Variants in PTPRC observed in about 807,000 individuals in gnomAD.
The protein encoded by PTPRC is receptor-type tyrosine-protein phosphatase C.
In PTPRC, 44 loss-of-function variants were observed where a neutral mutation model predicts 155.9. The observed-to-expected ratio is 0.28, with a 90% confidence interval of 0.22 to 0.36. PTPRC has a LOEUF of 0.36. Ranked by LOEUF, PTPRC falls within the 10% of genes least tolerant of loss-of-function variation. The probability of loss-of-function intolerance (pLI) is 1.00; values close to 1 mark genes in which losing one functional copy is unlikely to be tolerated. For synonymous variants in PTPRC, 525 were observed against 533.1 expected, an observed-to-expected ratio of 0.98 and a Z score of 0.21; for missense variants, 1,401 against 1,564.6, an observed-to-expected ratio of 0.90 and a Z score of 1.76.
Position 198,734,364 on chromosome 1 carries a change from T to C in PTPRC, c.2216T>C (p.Met739Thr). ...GAAACTGTTGATGATTTCTGGAGGA[T>C]GATTTGGGAACAGAAAGCCACAGTT... Reference protein sequence around the residue: ...RDETVDDFWRMIWEQKATVIV... With the variant: ...RDETVDDFWRTIWEQKATVIV... The change falls in exon 22 of 33, where the codon ATG becomes ACG. Residue 739 changes from methionine to threonine, a missense_variant. Met to Thr is a moderately conservative substitution (Grantham distance 81). This residue lies in a region of PTPRC where 867 missense variants were observed against 970.4 expected (regional missense o/e 0.89). Coordinates refer to ENST00000442510, the MANE Select transcript of PTPRC (RefSeq NM_002838.5). 1 of 1,611,218 alleles carries C rather than the reference T, an allele frequency of 6.2e-7. No homozygotes were observed. Among genetic ancestry groups the C allele is most frequent in the Non-Finnish European group, 8.5e-7 (1 of 1,177,944 alleles).
chr1:198,752,656 T>C lies in PTPRC; in HGVS notation c.3393T>C (p.Pro1131=). 6.2e-7 allele frequency: 1 copy of C among 1,612,886 alleles called. No individual in the cohort carries two copies. Among genetic ancestry groups the C allele is most frequent in the East Asian group, 2.2e-5 (1 of 44,720 alleles). The part of the protein sequence containing the change: ...QYTNWSVEQL[P]AEPKELISMI... ...CAAACTGGAGTGTGGAGCAGCTTCC[T>C]GCAGAACCCAAGGAATTAATCTCTA... The change falls in exon 31 of 33, where the codon CCT becomes CCC. Residue 1131 remains proline (P), a synonymous_variant. Coordinates refer to ENST00000442510, the MANE Select transcript of PTPRC (RefSeq NM_002838.5).
At chr1:198,661,824 T>C (rs1008426364) in intron 2 of PTPRC, among the ~76,000 whole-genome samples, 1 of 152,218 alleles carries the variant, frequency 6.6e-6, no homozygotes, top group South Asian at 2.1e-4. Context: ...TCATCTATAC[T>C]ATTATTTTTT....
intron 22 of PTPRC, 57 bp from the exon 23 acceptor site, chr1:198,735,070 G>A: frequency 7.0e-7 from 1 of 1,430,944 alleles, no homozygotes; most frequent in East Asian, 2.5e-5. Context: ...AAGAAAGTTT[G>A]ATAAAAAATT....
At chr1:198,687,502 G>A (rs951321726) in intron 2 of PTPRC, among the ~76,000 whole-genome samples, 1 of 151,876 alleles carries the variant, frequency 6.6e-6, no homozygotes, top group Admixed American at 6.6e-5. Flanking sequence ...AAATAGTTAA[G>A]TACCTTCACC....
Position 198,756,365 on chromosome 1 carries a change from C to G in PTPRC, c.*184C>G. 3 of 760,900 alleles carry G rather than the reference C, an allele frequency of 3.9e-6. No homozygotes were observed. Among genetic ancestry groups the G allele is most frequent in the Non-Finnish European group, 6.2e-6 (3 of 485,798 alleles). 47.1% of individuals were successfully genotyped at this position (760,900 alleles called of 1,614,324 possible). A position where few individuals can be genotyped will look rare whatever the true frequency, so the allele number is the denominator to read the frequency against. On this transcript the variant is annotated 3_prime_UTR_variant, in exon 33 of 33. Transcript: ENST00000442510. ...GATAGTTTTGCCAGAACAGTTTGTACAGACGTATGCTTATTTTAAAATTTT... is the reference window on the plus strand; with the variant it reads ...GATAGTTTTGCCAGAACAGTTTGTAGAGACGTATGCTTATTTTAAAATTTT...
intron 8 of PTPRC, among the ~76,000 whole-genome samples, chr1:198,705,441 T>A (rs1203088376): frequency 1.3e-5 from 2 of 150,970 alleles, no homozygotes; most frequent in African/African-American, 4.9e-5. Context: ...TCTTTTTTTT[T>A]TTTTTTTCTC....
intron 27 of PTPRC, 114 bp downstream of exon 27, chr1:198,748,313 G>A (rs964064758): frequency 7.2e-7 from 1 of 1,393,484 alleles, no homozygotes; most frequent in Non-Finnish European, 9.6e-7. Flanking sequence ...TTCAACATTT[G>A]GTTGTTAATA....
At chr1:198,643,683 A>G (rs559500182) in intron 2 of PTPRC, among the ~76,000 whole-genome samples, 1 of 152,014 alleles carries the variant, frequency 6.6e-6, no homozygotes, top group South Asian at 2.1e-4. Flanking sequence ...CTCTTTGGAC[A>G]TTCTAGGTAA....
At chr1:198,650,800 T>C (rs1448100157) in intron 2 of PTPRC, among the ~76,000 whole-genome samples, 1 of 151,770 alleles carries the variant, frequency 6.6e-6, no homozygotes, top group Non-Finnish European at 1.5e-5. Context: ...ACTTCATATT[T>C]GGAAGAGACA....
intron 27 of PTPRC, among the ~76,000 whole-genome samples, chr1:198,748,844 C>G (rs1291087073): frequency 6.6e-6 from 1 of 151,486 alleles, no homozygotes; most frequent in Non-Finnish European, 1.5e-5. Context: ...CATGGTTGAC[C>G]TAGTTAATTT....
chr1:198,696,949 G>A (rs771941835), intron 4 of PTPRC, 40 bp downstream of exon 4: 2 of 1,529,920 alleles, frequency 1.3e-6, no homozygotes, highest in Admixed American at 1.7e-5. Context: ...ATCAGGGAAT[G>A]TCATTTAGAA....
intron 25 of PTPRC, among the ~76,000 whole-genome samples, chr1:198,743,204 G>T (rs533737496): frequency 1.2e-3 from 183 of 151,714 alleles, no homozygotes; most frequent in African/African-American, 4.3e-3. Context: ...TGTTGTGGTA[G>T]AAAGCAATGA....
At position 198,756,343 on chromosome 1, in the gene PTPRC, A is replaced by AGTT; in HGVS notation, c.*163_*165dup. The AGTT allele has an allele frequency of 1.0e-6, 1 of 970,210 alleles. No homozygotes were observed. The highest frequency in any genetic ancestry group is 1.5e-6 in the Non-Finnish European group (1 of 663,476). 60.1% of individuals were successfully genotyped at this position (970,210 alleles called of 1,614,324 possible). On this transcript the variant is annotated 3_prime_UTR_variant, in exon 33 of 33. Coordinates refer to ENST00000442510, the MANE Select transcript of PTPRC (RefSeq NM_002838.5). ...ACTACTGTGGAAAAATATTTAAGAT[A>AGTT]GTTTTGCCAGAACAGTTTGTACAGA...
chr1:198,680,613 C>T (rs1233944070), intron 2 of PTPRC, among the ~76,000 whole-genome samples: 2 of 151,694 alleles, frequency 1.3e-5, no homozygotes, highest in African/African-American at 2.4e-5. Context: ...GTGCATTTTA[C>T]AAGCAGATCA....
chr1:198,740,993 T>C (rs1654875215), intron 23 of PTPRC, among the ~76,000 whole-genome samples: 1 of 151,890 alleles, frequency 6.6e-6, no homozygotes, highest in Non-Finnish European at 1.5e-5. Flanking sequence ...TTCCATGGTA[T>C]TACTAATTGT....
intron 14 of PTPRC, among the ~76,000 whole-genome samples, chr1:198,721,355 A>AT (rs553662298): frequency 9.3e-5 from 14 of 151,284 alleles, no homozygotes; most frequent in Middle Eastern, 3.4e-3. Context: ...CTTCCTTGTA[A>AT]TTTTTTTTCA....
intron 28 of PTPRC, among the ~76,000 whole-genome samples, chr1:198,750,118 TAAG>T (rs1484248198): frequency 1.1e-4 from 17 of 151,916 alleles, no homozygotes; most frequent in Non-Finnish European, 1.6e-4. Flanking sequence ...GGAAATATAA[TAAG>T]AATGTAAAGA....
intron 2 of PTPRC, among the ~76,000 whole-genome samples, chr1:198,669,428 C>G (rs1664517878): frequency 6.6e-6 from 1 of 152,082 alleles, no homozygotes; most frequent in Admixed American, 6.6e-5. Flanking sequence ...ACCATACTAC[C>G]TAATCTGCTA....
At position 198,747,585 on chromosome 1, in the gene PTPRC, G is replaced by A. The variant is rs1571891828; in HGVS notation, c.2848-524G>A. Among the ~76,000 whole-genome samples the A allele has an allele frequency of 4.0e-5, 6 of 151,754 alleles. No homozygotes were observed. In the South Asian group the frequency reaches 1.2e-3, roughly 32 times the overall value. On this transcript the variant is annotated intron_variant, in intron 26 of 32. Transcript: ENST00000442510. ...AAATGAAGGCAGACTGGATTAAGTAGGAAGAAAGAAAACTAAAAGGATTTG... is the reference window on the plus strand; with the variant it reads ...AAATGAAGGCAGACTGGATTAAGTAAGAAGAAAGAAAACTAAAAGGATTTG...
Sources: gnomAD v4.1 joint callset for allele counts (sites outside exome capture counted in the v4.1 genomes callset) on GRCh38, gnomAD v4.1.1 for gene constraint, gnomAD v4.1.1 regional missense constraint, MANE v1.5 for transcripts, NCBI Gene and HGNC (gene_info 2026-07-23, HGNC 2026-07-21) for gene names.